RHBDL3: variants seen among roughly 807,000 people sequenced by gnomAD.
The protein encoded by RHBDL3 is rhomboid-related protein 3.
RHBDL3 carries 28 observed loss-of-function variants against 48.2 expected under a neutral mutation model. The observed-to-expected ratio is 0.58, with a 90% CI of 0.43 to 0.80. The LOEUF (loss-of-function observed/expected upper bound fraction) is 0.80, where lower values mean the gene tolerates loss of function less well. RHBDL3 is among the 30% of genes least tolerant of loss of function. The pLI, the probability that RHBDL3 is intolerant of heterozygous loss-of-function variation, is 0.00. For synonymous variants in RHBDL3, 208 were observed against 232.3 expected (o/e 0.90, Z 0.95); for missense variants, 464 against 542.7 (o/e 0.85, Z 1.44).
Position 32,321,358 on chromosome 17 carries a change from A to C in RHBDL3, c.*129A>C. The C allele has an allele frequency of 6.5e-7, 1 of 1,545,798 alleles. No individual in the cohort carries two copies. The highest frequency in any genetic ancestry group is 8.7e-7 in the Non-Finnish European group (1 of 1,150,722). On this transcript the variant is annotated 3_prime_UTR_variant, in exon 9 of 9. Coordinates refer to ENST00000269051, the MANE Select transcript of RHBDL3 (RefSeq NM_138328.3). ...GGACAGAAGACTCTGGGCCACTGTA[A>C]TGTTTGTGTTTAGATTTGGACACAC...
intron 8 of RHBDL3, among the ~76,000 whole-genome samples, chr17:32,317,247 C>G (rs963195082): frequency 2.0e-5 from 3 of 152,184 alleles, no homozygotes; most frequent in African/African-American, 7.2e-5. Flanking sequence ...GCACCCAGAT[C>G]AAGACAAATA....
chr17:32,283,317 CTTTTTT>C (rs1156849774), intron 2 of RHBDL3, among the ~76,000 whole-genome samples: 1 of 92,956 alleles, frequency 1.1e-5, no homozygotes, highest in African/African-American at 4.3e-5. Context: ...GCCTTTTCTT[CTTTTTT>C]TTTTTTTTTT....
intron 6 of RHBDL3, among the ~76,000 whole-genome samples, chr17:32,304,968 A>G (rs1307004548): frequency 6.6e-6 from 1 of 152,086 alleles, no homozygotes; most frequent in Non-Finnish European, 1.5e-5. Flanking sequence ...GAAAAATACA[A>G]AAATTAGCTG....
intron 2 of RHBDL3, chr17:32,280,499 G>A (rs2040017731): frequency 6.6e-6 from 1 of 152,208 alleles, no homozygotes; most frequent in Non-Finnish European, 1.5e-5. Context: ...GAGGAGGAAG[G>A]GTAGGATATG....
rs192378188 is a variant in RHBDL3 at position 32,285,797 on chromosome 17, A to C, written c.294+980A>C. On this transcript the variant is annotated intron_variant, in intron 3 of 8. Transcript: ENST00000269051. Reference sequence around the variant, plus strand: ...AAATGACTTGTGTGAAGCGCCCCAGACTCCTAAATTCAAAGGCACCAGTGA... The same window carrying C: ...AAATGACTTGTGTGAAGCGCCCCAGCCTCCTAAATTCAAAGGCACCAGTGA... Among the ~76,000 whole-genome samples, 293 of 152,064 alleles carry C rather than the reference A, an allele frequency of 1.9e-3. 1 individual carries two copies. Among genetic ancestry groups the C allele is most frequent in the Middle Eastern group, 6.8e-3 (2 of 294 alleles).
At chr17:32,289,575 T>C (rs1406766527) in intron 4 of RHBDL3, among the ~76,000 whole-genome samples, 2 of 152,172 alleles carry the variant, frequency 1.3e-5, no homozygotes, top group African/African-American at 4.8e-5. Flanking sequence ...CAGGTAAATA[T>C]GGGCTTAACA....
chr17:32,272,261 G>A (rs2039789362), intron 2 of RHBDL3, among the ~76,000 whole-genome samples: 1 of 152,256 alleles, frequency 6.6e-6, no homozygotes, highest in Admixed American at 6.5e-5. Flanking sequence ...GAGCCCAGAG[G>A]ATTTTTTTGC....
chr17:32,306,590 A>C (rs1437029988), intron 7 of RHBDL3, among the ~76,000 whole-genome samples: 1 of 152,108 alleles, frequency 6.6e-6, no homozygotes, highest in Non-Finnish European at 1.5e-5. Flanking sequence ...TGGGCAAATT[A>C]CTTAACTGCT....
At chr17:32,276,424 C>G (rs1038798158) in intron 2 of RHBDL3, among the ~76,000 whole-genome samples, 1 of 152,174 alleles carries the variant, frequency 6.6e-6, no homozygotes, top group African/African-American at 2.4e-5. Flanking sequence ...CAGCTGCAGC[C>G]TGGACCTAAT....
chr17:32,292,297 G>C (rs1436953001), intron 4 of RHBDL3, among the ~76,000 whole-genome samples: 1 of 152,170 alleles, frequency 6.6e-6, no homozygotes, highest in Non-Finnish European at 1.5e-5. Flanking sequence ...AAGTAAAATG[G>C]TGCAGCTGCT....
At chr17:32,298,278 A>C in intron 6 of RHBDL3, 74 bp downstream of exon 6, 3 of 951,178 alleles carry the variant, frequency 3.2e-6, no homozygotes, top group Non-Finnish European at 5.0e-6. Flanking sequence ...GGGGCGGGGC[A>C]AGCCCCAGGT....
At chr17:32,291,943 C>T (rs2040340946) in intron 4 of RHBDL3, among the ~76,000 whole-genome samples, 6 of 151,764 alleles carry the variant, frequency 4.0e-5, no homozygotes, top group Admixed American at 3.9e-4. Flanking sequence ...GGCTAATTTT[C>T]ATATTTTTAG....
intron 6 of RHBDL3, among the ~76,000 whole-genome samples, chr17:32,301,328 G>A (rs2040577315): frequency 6.6e-6 from 1 of 151,930 alleles, no homozygotes. Context: ...AGCACTTTGG[G>A]AGGCTGAGGT....
At chr17:32,268,016 C>A in intron 2 of RHBDL3, 91 bp downstream of exon 2, 1 of 968,922 alleles carries the variant, frequency 1.0e-6, no homozygotes, top group South Asian at 1.3e-5. Flanking sequence ...TAGCTCCGCG[C>A]TCCTGAGATG....
At chr17:32,284,627 G>A (rs200501484) in intron 2 of RHBDL3, 32 bp from the exon 3 acceptor site, 83 of 1,609,144 alleles carry the variant, frequency 5.2e-5, no homozygotes, top group Admixed American at 1.5e-4. Flanking sequence ...GTGGTGCCCT[G>A]CTGACCCTGC....
chr17:32,310,510 C>G (rs564970276), intron 7 of RHBDL3, among the ~76,000 whole-genome samples: 1 of 151,990 alleles, frequency 6.6e-6, no homozygotes, highest in Non-Finnish European at 1.5e-5. Context: ...GTCAGGAGTT[C>G]GAGACCAGCC....
intron 4 of RHBDL3, among the ~76,000 whole-genome samples, chr17:32,291,288 G>A (rs542507571): frequency 4.7e-5 from 7 of 150,360 alleles, no homozygotes; most frequent in African/African-American, 1.7e-4. Flanking sequence ...AGCCAAGATC[G>A]TGCCACTGCA....
chr17:32,285,875 T>A (rs955163836), intron 3 of RHBDL3, among the ~76,000 whole-genome samples: 5 of 152,138 alleles, frequency 3.3e-5, no homozygotes, highest in African/African-American at 9.7e-5. Flanking sequence ...AGCGCTCTGA[T>A]GTGGATGCCC....
At chr17:32,310,894 A>G (rs1403409699) in intron 7 of RHBDL3, among the ~76,000 whole-genome samples, 1 of 96,886 alleles carries the variant, frequency 1.0e-5, no homozygotes. Flanking sequence ...AAAAAAAAAA[A>G]AAAAAAAAAG....
Sources: gnomAD v4.1 joint callset for allele counts (sites outside exome capture counted in the v4.1 genomes callset) on GRCh38, gnomAD v4.1.1 for gene constraint, MANE v1.5 for transcripts, NCBI Gene and HGNC (gene_info 2026-07-23, HGNC 2026-07-21) for gene names.